Variants in RNLS observed in about 807,000 individuals in gnomAD.
RNLS encodes the protein renalase, FAD dependent amine oxidase.
Under a neutral mutation model 39.8 loss-of-function variants are expected in RNLS, and 39 were observed. The ratio of observed to expected loss-of-function variants is 0.98; its 90% confidence interval spans 0.76 to 1.28. RNLS has a LOEUF of 1.28. Among genes scored for constraint, RNLS ranks in the 50% most tolerant of loss-of-function variants. The pLI is 0.00. For synonymous variants in RNLS, 147 were observed against 150.7 expected, an observed-to-expected ratio of 0.98 and a Z score of 0.18; for missense variants, 410 against 413.3, an observed-to-expected ratio of 0.99 and a Z score of 0.07.
chr10:88,310,406 G>A (rs1035027059), intron 6 of RNLS, among the ~76,000 whole-genome samples: 2 of 152,020 alleles, frequency 1.3e-5, no homozygotes, highest in South Asian at 2.1e-4. Context: ...ATAATTGTGT[G>A]TACTTTTTGT....
rs1177455915 is a variant in RNLS, at chr10:88,583,273, C to T, written c.-83G>A. ...CTTTCTGGAAAGGCGGCCGAACCGG[C>T]GCTAGCGCTCTTTGGTTCCGTGCTC... is the stretch of plus-strand genomic sequence containing the variant. On this transcript the variant is annotated 5_prime_UTR_variant, in exon 1 of 7. Transcript: ENST00000331772. 1.0e-5 allele frequency: 16 copies of T among 1,569,128 alleles called. No individual in the cohort carries two copies. The highest frequency in any genetic ancestry group is 1.4e-5 in the African/African-American group (1 of 73,778).
At chr10:88,337,301 C>G (rs1847576117) in intron 5 of RNLS, among the ~76,000 whole-genome samples, 1 of 152,166 alleles carries the variant, frequency 6.6e-6, no homozygotes, top group Non-Finnish European at 1.5e-5. Flanking sequence ...GAGAGAACGT[C>G]TGTGTGGTGG....
At chr10:88,506,355 TTTATA>T (rs1345546647) in intron 4 of RNLS, among the ~76,000 whole-genome samples, 1 of 152,070 alleles carries the variant, frequency 6.6e-6, no homozygotes, top group Non-Finnish European at 1.5e-5. Context: ...AAATACGGAC[TTTATA>T]TTAGATCACA....
chr10:88,547,373 C>A (rs754461612), intron 4 of RNLS, among the ~76,000 whole-genome samples: 5 of 152,134 alleles, frequency 3.3e-5, no homozygotes, highest in Non-Finnish European at 7.4e-5. Flanking sequence ...ATTTGAAAAG[C>A]AAGTATTTCT....
chr10:88,520,436 A>G (rs995506032), intron 4 of RNLS, among the ~76,000 whole-genome samples: 1 of 152,124 alleles, frequency 6.6e-6, no homozygotes, highest in African/African-American at 2.4e-5. Context: ...AGTTTCACCA[A>G]TCTCATAGAC....
At chr10:88,316,759 C>T (rs1000905401) in intron 5 of RNLS, among the ~76,000 whole-genome samples, 5 of 152,122 alleles carry the variant, frequency 3.3e-5, no homozygotes, top group Admixed American at 1.3e-4. Flanking sequence ...AAATAGTTCT[C>T]GCATAACAAT....
intron 4 of RNLS, among the ~76,000 whole-genome samples, chr10:88,374,140 G>A (rs866618476): frequency 6.6e-5 from 10 of 151,862 alleles, no homozygotes; most frequent in Middle Eastern, 3.2e-3. Flanking sequence ...CAATAAAATG[G>A]CCTTAACTGG....
the RNLS span, among the ~76,000 whole-genome samples, chr10:88,258,706 A>C: frequency 1.2e-4 from 19 of 152,236 alleles, 1 homozygote; most frequent in African/African-American, 3.9e-4. Flanking sequence ...ATAAGGCAGT[A>C]GTTGGGAATA....
intron 5 of RNLS, among the ~76,000 whole-genome samples, chr10:88,328,208 T>C (rs1180967934): frequency 6.6e-6 from 1 of 152,216 alleles, no homozygotes; most frequent in Non-Finnish European, 1.5e-5. Flanking sequence ...GTGCCTGGCC[T>C]GAATTAACAT....
At chr10:88,330,505 T>C (rs1343987326) in intron 5 of RNLS, among the ~76,000 whole-genome samples, 1 of 152,096 alleles carries the variant, frequency 6.6e-6, no homozygotes, top group Non-Finnish European at 1.5e-5. Flanking sequence ...TTAAATAATA[T>C]AGGCTTTTTA....
At chr10:88,183,880 A>G in the RNLS span, among the ~76,000 whole-genome samples, 1 of 152,172 alleles carries the variant, frequency 6.6e-6, no homozygotes, top group Non-Finnish European at 1.5e-5. Context: ...CAATGGCGAT[A>G]CTGAGACTTT....
intron 4 of RNLS, among the ~76,000 whole-genome samples, chr10:88,562,158 C>A (rs921177649): frequency 6.6e-6 from 1 of 151,882 alleles, no homozygotes; most frequent in Non-Finnish European, 1.5e-5. Flanking sequence ...GTTTTTTGAG[C>A]CAGAAATTTC....
At position 88,465,049 on chromosome 10, in the gene RNLS, C is replaced by T. The variant is rs184603430; in HGVS notation, c.527-102324G>A. 1.2e-4 allele frequency among the ~76,000 whole-genome samples: 19 copies of T among 152,092 alleles called. No individual in the cohort carries two copies. In the East Asian group the frequency reaches 3.3e-3, roughly 26 times the overall value. On this transcript the variant is annotated intron_variant, in intron 4 of 6. Coordinates refer to ENST00000331772, the MANE Select transcript of RNLS (RefSeq NM_001031709.3). Reference sequence around the variant, plus strand: ...AAAATATGAATAATGGCAGTGCTCACGATATAGGCTGTTATGAAGATTAGA... The same window carrying T: ...AAAATATGAATAATGGCAGTGCTCATGATATAGGCTGTTATGAAGATTAGA...
the RNLS span, among the ~76,000 whole-genome samples, chr10:88,236,083 T>C: frequency 6.6e-6 from 1 of 152,370 alleles, no homozygotes; most frequent in East Asian, 1.9e-4. Context: ...ACCCCTGCAC[T>C]ATGTTAAATA....
the RNLS span, among the ~76,000 whole-genome samples, chr10:88,264,548 G>C: frequency 6.6e-6 from 1 of 152,146 alleles, no homozygotes; most frequent in Non-Finnish European, 1.5e-5. Context: ...TTGTGGTTTT[G>C]ATGTGCATTT....
chr10:88,264,464 A>G, the RNLS span, among the ~76,000 whole-genome samples: 2 of 152,132 alleles, frequency 1.3e-5, no homozygotes, highest in Middle Eastern at 3.4e-3. Context: ...TCTTTTCACC[A>G]CATCCCCACC....
chr10:88,355,346 T>TCTTTGATG, intron 5 of RNLS, among the ~76,000 whole-genome samples: 1 of 152,238 alleles, frequency 6.6e-6, no homozygotes, highest in Non-Finnish European at 1.5e-5. Context: ...TTTGCAGTTT[T>TCTTTGATG]ATCTACCTTT....
intron 4 of RNLS, among the ~76,000 whole-genome samples, chr10:88,416,310 A>T (rs1176504133): frequency 6.6e-6 from 1 of 151,458 alleles, no homozygotes; most frequent in Non-Finnish European, 1.5e-5. Context: ...CTGGAGTGCA[A>T]TGGCGTGATC....
intron 4 of RNLS, among the ~76,000 whole-genome samples, chr10:88,508,475 G>A (rs942000035): frequency 6.6e-6 from 1 of 152,136 alleles, no homozygotes; most frequent in Non-Finnish European, 1.5e-5. Context: ...AGTACATGTG[G>A]CTAGGATTAT....
Sources: allele counts gnomAD v4.1 joint callset (sites outside exome capture counted in the v4.1 genomes callset), GRCh38; gene constraint gnomAD v4.1.1; transcripts MANE v1.5; gene names NCBI Gene and HGNC (gene_info 2026-07-23, HGNC 2026-07-21).